Variants in SCML4 observed in about 807,000 individuals in gnomAD.
SCML4 encodes Scm polycomb group protein like 4, also known as sex comb on midleg-like protein 4.
SCML4 carries 34 observed loss-of-function variants against 41.1 expected under a neutral mutation model. The ratio of observed to expected loss-of-function variants is 0.83; its 90% CI spans 0.63 to 1.10. The LOEUF (loss-of-function observed/expected upper bound fraction) is 1.10. Among genes scored for constraint, SCML4 ranks in the 50% least tolerant of loss-of-function variants. SCML4 has a pLI of 0.00. For synonymous variants in SCML4, 214 were observed against 220.9 expected (o/e 0.97, Z 0.28); for missense variants, 522 against 534.1 (o/e 0.98, Z 0.22).
chr6:107,770,027 T>A (rs1318740536), intron 2 of SCML4, among the ~76,000 whole-genome samples: 1 of 152,056 alleles, frequency 6.6e-6, no homozygotes. Flanking sequence ...TCCCAGAGAG[T>A]TAAAATCATC....
At position 107,745,193 on chromosome 6, in the gene SCML4, G is replaced by A. The variant is rs535969370; in HGVS notation, c.488-50C>T. 7.9e-5 allele frequency: 108 copies of A among 1,368,016 alleles called. 1 individual carries two copies. Among genetic ancestry groups the A allele is most frequent in the Middle Eastern group, 5.5e-4 (3 of 5,420 alleles). 84.7% of individuals were successfully genotyped at this position (1,368,016 alleles called of 1,614,324 possible). A position where few individuals can be genotyped will look rare whatever the true frequency, so the allele number is the denominator to read the frequency against. ...TTAGAGCCGGGCACTGGAGAAAACC[G>A]CAAGTCAATCGGCCGTGGTGAGGAT... On this transcript the variant is annotated intron_variant, in intron 4 of 7. Coordinates refer to ENST00000369020, the MANE Select transcript of SCML4 (RefSeq NM_198081.5).
chr6:107,720,649 CG>C (rs746920940), intron 6 of SCML4, 53 bp downstream of exon 6: 5 of 1,467,780 alleles, frequency 3.4e-6, no homozygotes, highest in Non-Finnish European at 4.5e-6. Flanking sequence ...GTGCTCCCCG[CG>C]CAAGGGCAAG....
intron 1 of SCML4, among the ~76,000 whole-genome samples, chr6:107,774,747 T>C (rs1219819067): frequency 6.6e-6 from 1 of 151,678 alleles, no homozygotes; most frequent in East Asian, 1.9e-4. Context: ...TCAGGCTGGG[T>C]GCGGTGGCTC....
chr6:107,743,491 G>A (rs554394647), intron 5 of SCML4, among the ~76,000 whole-genome samples: 177 of 152,340 alleles, frequency 1.2e-3, no homozygotes, highest in African/African-American at 4.1e-3. Flanking sequence ...ACACTCACTA[G>A]AAGATAAATA....
At chr6:107,763,380 GTT>G (rs373094856) in intron 2 of SCML4, among the ~76,000 whole-genome samples, 4 of 139,184 alleles carry the variant, frequency 2.9e-5, no homozygotes, top group Admixed American at 1.4e-4. Context: ...TCATGTTCTT[GTT>G]TTTTTTTTTT....
At chr6:107,713,303 C>T (rs1774408596) in intron 6 of SCML4, among the ~76,000 whole-genome samples, 1 of 152,170 alleles carries the variant, frequency 6.6e-6, no homozygotes, top group Admixed American at 6.5e-5. Context: ...AGTCAGAAAC[C>T]CCTGCCACCC....
intron 1 of SCML4, among the ~76,000 whole-genome samples, chr6:107,782,075 T>A (rs907658251): frequency 5.3e-5 from 8 of 152,120 alleles, no homozygotes; most frequent in African/African-American, 1.9e-4. Flanking sequence ...ATTCATATAT[T>A]TAAGGACAAG....
intron 2 of SCML4, among the ~76,000 whole-genome samples, chr6:107,757,254 T>C (rs900669182): frequency 4.6e-5 from 7 of 151,908 alleles, no homozygotes; most frequent in African/African-American, 1.7e-4. Context: ...CTGGAAAGAA[T>C]TGGGAGGGGA....
At chr6:107,720,604 G>A (rs758661353) in intron 6 of SCML4, 99 bp downstream of exon 6, 18 of 1,444,506 alleles carry the variant, frequency 1.2e-5, no homozygotes, top group East Asian at 2.5e-5. Context: ...GCAGTCCCAC[G>A]TTTAAACAGC....
chr6:107,759,132 C>CAAAAAAAAAAAAAAAAAAACCCAAAAAAA (rs1779344458), intron 2 of SCML4, among the ~76,000 whole-genome samples: 1 of 88,220 alleles, frequency 1.1e-5, no homozygotes, highest in Non-Finnish European at 2.1e-5. Context: ...ACAAAAAATA[C>CAAAAAAAAAAAAAAAAAAACCCAAAAAAA]AAAAAAAAAA....
At chr6:107,743,137 CT>C (rs1777743875) in intron 5 of SCML4, among the ~76,000 whole-genome samples, 2 of 104,714 alleles carry the variant, frequency 1.9e-5, no homozygotes, top group South Asian at 6.4e-4. Flanking sequence ...TTTAAAGTAA[CT>C]TTTTATACCT....
chr6:107,792,082 T>C (rs567061915), intron 1 of SCML4, among the ~76,000 whole-genome samples: 3 of 152,332 alleles, frequency 2.0e-5, no homozygotes, highest in African/African-American at 7.2e-5. Flanking sequence ...ATGGGCCATC[T>C]TGATTGCAAA....
chr6:107,746,524 G>A, intron 4 of SCML4, 165 bp downstream of exon 4: 1 of 587,300 alleles, frequency 1.7e-6, no homozygotes, highest in South Asian at 2.3e-5. Context: ...TCCTCTCCCT[G>A]AGCCCTGAGA....
intron 2 of SCML4, among the ~76,000 whole-genome samples, chr6:107,760,157 A>C (rs1779469766): frequency 6.6e-6 from 1 of 152,252 alleles, no homozygotes; most frequent in Non-Finnish European, 1.5e-5. Context: ...TAATTAGAAG[A>C]AATGTAGCAT....
At chr6:107,714,265 C>T (rs1297909081) in intron 6 of SCML4, among the ~76,000 whole-genome samples, 1 of 152,176 alleles carries the variant, frequency 6.6e-6, no homozygotes, top group Admixed American at 6.5e-5. Flanking sequence ...AGCGAGATTC[C>T]TTCTTGGCCA....
intron 3 of SCML4, among the ~76,000 whole-genome samples, chr6:107,749,280 G>A (rs185330479): frequency 2.0e-5 from 3 of 152,176 alleles, no homozygotes; most frequent in South Asian, 2.1e-4. Context: ...GTCAGACTGA[G>A]GGCGAATGGG....
chr6:107,842,837 G>T, the SCML4 span, among the ~76,000 whole-genome samples: 1 of 151,942 alleles, frequency 6.6e-6, no homozygotes, highest in African/African-American at 2.4e-5. Context: ...CTGATGTTAG[G>T]TATGTACACA....
In SCML4 at chr6:107,746,717, C is replaced by T; in HGVS notation, c.459G>A (p.Lys153=). 3 of 1,614,138 alleles carry T rather than the reference C, an allele frequency of 1.9e-6. No individual in the cohort carries two copies. The highest frequency in any genetic ancestry group is 2.5e-6 in the Non-Finnish European group (3 of 1,179,988). ...ACACCATCTCACCACCATAGCCCTG[C>T]TTGACCAGGGAGAAGACCAGCTTCT... ...HQQKLVFSLV[K]QGYGGEMVSV... The change falls in exon 4 of 8, where the codon AAG becomes AAA. Residue 153 remains lysine (K), a synonymous_variant. Coordinates refer to ENST00000369020, the MANE Select transcript of SCML4 (RefSeq NM_198081.5).
intron 1 of SCML4, among the ~76,000 whole-genome samples, chr6:107,811,337 C>T (rs1583652865): frequency 6.6e-6 from 1 of 152,270 alleles, no homozygotes; most frequent in East Asian, 1.9e-4. Context: ...AAAATAAATA[C>T]AACTTGTTTT....
Sources: gnomAD v4.1 joint callset for allele counts (sites outside exome capture counted in the v4.1 genomes callset) on GRCh38, gnomAD v4.1.1 for gene constraint, MANE v1.5 for transcripts, NCBI Gene and HGNC (gene_info 2026-07-23, HGNC 2026-07-21) for gene names.